The following OR4K14 variants were observed in gnomAD, a reference collection of about 807,000 sequenced individuals.
OR4K14 encodes olfactory receptor family 4 subfamily K member 14.
For missense variants in OR4K14, 406 were observed against 373.6 expected (o/e 1.09, Z -0.72); for synonymous variants, 153 against 141.5 (o/e 1.08, Z -0.58).
intron 1 of OR4K14, among the ~76,000 whole-genome samples, chr14:20,016,063 A>G: frequency 6.8e-6 from 1 of 146,844 alleles, no homozygotes; most frequent in Non-Finnish European, 1.5e-5. Context: ...ATGGGTAATT[A>G]ATTATTGTTA....
chr14:20,016,813 C>T (rs1388250466), intron 1 of OR4K14, among the ~76,000 whole-genome samples: 1 of 151,998 alleles, frequency 6.6e-6, no homozygotes, highest in Non-Finnish European at 1.5e-5. Flanking sequence ...GACTGATAAT[C>T]AGCCTAACAG....
Position 20,014,312 on chromosome 14 carries a change from C to T in OR4K14, c.882G>A (p.Glu294=), listed in dbSNP as rs12590785. 0.82 allele frequency: 1,319,477 copies of T among 1,610,698 alleles called. 546,731 individuals carry two copies. The highest frequency in any genetic ancestry group is 0.98 in the East Asian group (44,132 of 44,868). ...GCAGTTTCTTCATAGCTGCTTTCAT[C>T]TCCTCATTTCTCAATGTGTAGATAA... ...NPIIYTLRNE[E]MKAAMKKLQN... The change falls in exon 2 of 2, where the codon GAG becomes GAA. Residue 294 remains glutamate (E), a synonymous_variant. Coordinates refer to ENST00000641793, the MANE Select transcript of OR4K14 (RefSeq NM_001004712.2).
In OR4K14 at chr14:20,014,164, A is replaced by C. The variant is rs1361438838; in HGVS notation, c.*97T>G. 4 of 742,516 alleles carry C rather than the reference A, an allele frequency of 5.4e-6. No individual in the cohort carries two copies. The African/African-American group carries it at 7.0e-5, about 13-fold the overall frequency. 46.0% of individuals were successfully genotyped at this position (742,516 alleles called of 1,614,324 possible). A position where few individuals can be genotyped will look rare whatever the true frequency, so the allele number is the denominator to read the frequency against. On this transcript the variant is annotated 3_prime_UTR_variant, in exon 2 of 2. Coordinates refer to ENST00000641793, the MANE Select transcript of OR4K14 (RefSeq NM_001004712.2). ...AATATAACACATTACAAATTATATC[A>C]ATGTAGTGTCAGAATGAAATCTTTG...
At chr14:20,018,074 T>C (rs1877134772) in intron 1 of OR4K14, among the ~76,000 whole-genome samples, 1 of 152,160 alleles carries the variant, frequency 6.6e-6, no homozygotes. Flanking sequence ...TGTTCCTTTA[T>C]AAAATTGAAG....
At position 20,014,870 on chromosome 14, in the gene OR4K14, AG is replaced by A. The variant is rs1170091334; in HGVS notation, c.323del (p.Thr108MetfsTer27). ...CCAGGAGCACCATCTCAGCCCCACC[AG>A]TAAAGTGCAAGAAGAAGATTTGAGC... Reference protein sequence around the residue: ...CMAQIFFLHFTGGAEMVLLVS... With the variant: ...CMAQIFFLHFXGGAEMVLLVS... On this transcript the variant is annotated frameshift_variant, in exon 2 of 2. Transcript: ENST00000641793. LOFTEE classifies it low-confidence loss of function (END_TRUNC). The A allele has an allele frequency of 3.7e-6, 6 of 1,614,022 alleles. No individual in the cohort carries two copies. Among genetic ancestry groups the A allele is most frequent in the Non-Finnish European group, 5.1e-6 (6 of 1,180,008 alleles).
Position 20,015,178 on chromosome 14 carries a change from A to T in OR4K14, c.16T>A (p.Tyr6Asn). 3 of 1,603,646 alleles carry T rather than the reference A, an allele frequency of 1.9e-6. No homozygotes were observed. The highest frequency in any genetic ancestry group is 2.6e-6 in the Non-Finnish European group (3 of 1,175,642). Reference sequence around the variant, plus strand: ...AACACAAATTCTGACACCAAGGAATAGTTCTGTGGGTCCATTGCCTCAGGT... The same window carrying T: ...AACACAAATTCTGACACCAAGGAATTGTTCTGTGGGTCCATTGCCTCAGGT... MDPQN[Y>N]SLVSEFVLHG... The change falls in exon 2 of 2, where the codon TAT becomes AAT. Residue 6 changes from tyrosine (Y) to asparagine (N), a missense_variant. Coordinates refer to ENST00000641793, the MANE Select transcript of OR4K14 (RefSeq NM_001004712.2).
At chr14:20,016,903 TA>T (rs1178590069) in intron 1 of OR4K14, among the ~76,000 whole-genome samples, 1 of 151,982 alleles carries the variant, frequency 6.6e-6, no homozygotes, top group East Asian at 1.9e-4. Flanking sequence ...CATTTTTTCT[TA>T]AAAAATGAAT....
chr14:20,014,397 A>T lies in OR4K14; in HGVS notation c.797T>A (p.Phe266Tyr). Residue 266 changes from phenylalanine (F) to tyrosine (Y), a missense_variant, in exon 2 of 2, where the codon TTC (phenylalanine) becomes TAC (tyrosine). Physicochemically the swap from Phe to Tyr is conservative, Grantham distance 22 (BLOSUM62 3). Coordinates refer to ENST00000641793, the MANE Select transcript of OR4K14 (RefSeq NM_001004712.2). ...IFVYVRPFSR[F>Y]SVDKLLSVFY... ...CACAGACAGCAGCTTGTCCACAGAG[A>T]ACCTACTGAAAGGCCGCACATAAAC... The T allele has an allele frequency of 2.5e-6, 4 of 1,614,066 alleles. No homozygotes were observed. Among genetic ancestry groups the T allele is most frequent in the Non-Finnish European group, 3.4e-6 (4 of 1,179,982 alleles).
intron 1 of OR4K14, among the ~76,000 whole-genome samples, chr14:20,016,225 G>T (rs929540673): frequency 1.4e-5 from 2 of 147,442 alleles, no homozygotes; most frequent in Non-Finnish European, 3.0e-5. Flanking sequence ...AAGGCATGTT[G>T]ATAGGTAGAT....
At chr14:20,016,701 G>A (rs1877107382) in intron 1 of OR4K14, among the ~76,000 whole-genome samples, 2 of 151,990 alleles carry the variant, frequency 1.3e-5, no homozygotes, top group African/African-American at 4.8e-5. Flanking sequence ...AATCTGACAC[G>A]ATTTACTTAC....
chr14:20,018,803 A>T (rs987572296), intron 1 of OR4K14, among the ~76,000 whole-genome samples: 8 of 151,984 alleles, frequency 5.3e-5, no homozygotes, highest in Admixed American at 6.6e-5. Context: ...TATAAATTAT[A>T]CCTCAACAAT....
At chr14:20,015,628 CA>C (rs1334607907) in intron 1 of OR4K14, among the ~76,000 whole-genome samples, 2 of 151,834 alleles carry the variant, frequency 1.3e-5, no homozygotes, top group East Asian at 3.9e-4. Context: ...ACATTATAAA[CA>C]TATATAATTT....
At chr14:20,016,514 T>A (rs1350212470) in intron 1 of OR4K14, among the ~76,000 whole-genome samples, 1 of 152,118 alleles carries the variant, frequency 6.6e-6, no homozygotes, top group African/African-American at 2.4e-5. Context: ...TCAGATAATA[T>A]CTCTGAGGAA....
chr14:20,015,548 G>A (rs1043735974), intron 1 of OR4K14, among the ~76,000 whole-genome samples: 2 of 152,138 alleles, frequency 1.3e-5, no homozygotes, highest in Non-Finnish European at 2.9e-5. Flanking sequence ...GTTTTGCATT[G>A]TCATCACAGA....
rs532586300 is a variant in OR4K14 at position 20,018,328 on chromosome 14, C to T, written c.-30+815G>A. On this transcript the variant is annotated intron_variant, in intron 1 of 1. Transcript: ENST00000641793. ...TCCTTGAATTTCTATAAAAACATTA[C>T]ATTAAATCATTTAATTGCAACACTT... Among the ~76,000 whole-genome samples, 13 of 152,118 alleles carry T rather than the reference C, an allele frequency of 8.5e-5. No individual in the cohort carries two copies. In the South Asian group the frequency reaches 1.7e-3, roughly 19 times the overall value.
intron 1 of OR4K14, among the ~76,000 whole-genome samples, chr14:20,016,108 A>C (rs1344955932): frequency 2.6e-5 from 1 of 37,864 alleles, no homozygotes; most frequent in East Asian, 2.6e-3. Context: ...TTCACTTAAA[A>C]ATAATGTCAA....
At chr14:20,015,355 T>A in intron 1 of OR4K14, 133 bp from the exon 2 acceptor site, 1 of 535,236 alleles carries the variant, frequency 1.9e-6, no homozygotes. Context: ...AAGTCAAACT[T>A]ACAGAAATAG....
In OR4K14 at chr14:20,014,611, C is replaced by T. The variant is rs564561908; in HGVS notation, c.583G>A (p.Val195Ile). ...TCTGAGATCATAATTATACCCAAGA[C>T]ATAGGTGTCCATGCAGGCAAGTTTG... ...VIKLACMDTYVLGIIMISDSG... is the reference protein window; with the variant it reads ...VIKLACMDTYILGIIMISDSG... Residue 195 changes from valine (V) to isoleucine (I), a missense_variant, in exon 2 of 2, where the codon GTC becomes ATC. Coordinates refer to ENST00000641793, the MANE Select transcript of OR4K14 (RefSeq NM_001004712.2). 1 of 1,614,044 alleles carries T rather than the reference C, an allele frequency of 6.2e-7. No individual in the cohort carries two copies. Among genetic ancestry groups the T allele is most frequent in the African/African-American group, 1.3e-5 (1 of 75,032 alleles).
chr14:20,018,316 A>G (rs189849959), intron 1 of OR4K14, among the ~76,000 whole-genome samples: 321 of 152,170 alleles, frequency 2.1e-3, no homozygotes, highest in South Asian at 4.1e-3. Context: ...TTGAATTTCT[A>G]TAAAAACATT....
Sources: gnomAD v4.1 joint callset for allele counts (sites outside exome capture counted in the v4.1 genomes callset) on GRCh38, gnomAD v4.1.1 for gene constraint, MANE v1.5 for transcripts, NCBI Gene and HGNC (gene_info 2026-07-23, HGNC 2026-07-21) for gene names.